Variants in PLXDC2 observed in about 807,000 individuals in gnomAD.
PLXDC2 encodes the protein plexin domain-containing protein 2.
PLXDC2 carries 40 observed loss-of-function variants against 68.9 expected under a neutral mutation model. The observed-to-expected ratio is 0.58, with a 90% CI of 0.45 to 0.76. The LOEUF (loss-of-function observed/expected upper bound fraction) is 0.76, where lower values mean the gene tolerates loss of function less well. PLXDC2 is among the 30% of genes least tolerant of loss of function. The pLI, the probability that PLXDC2 is intolerant of heterozygous loss-of-function variation, is 0.00. For synonymous variants in PLXDC2, 243 were observed against 234.2 expected (o/e 1.04, Z -0.34); for missense variants, 644 against 661.9 (o/e 0.97, Z 0.30).
At chr10:19,928,731 A>G (rs11011683) in intron 1 of PLXDC2, among the ~76,000 whole-genome samples, 31,811 of 145,270 alleles carry the variant, frequency 0.22, 3,964 homozygotes, top group South Asian at 0.4. Context: ...GTCTTCGGTG[A>G]TGGAAGGGAA....
chr10:19,898,319 A>T (rs1737382531), intron 1 of PLXDC2, among the ~76,000 whole-genome samples: 1 of 152,206 alleles, frequency 6.6e-6, no homozygotes, highest in African/African-American at 2.4e-5. Flanking sequence ...CTTGACATCA[A>T]GGAATTTAGA....
In PLXDC2 at chr10:19,897,227, CT is replaced by C. The variant is rs558204823; in HGVS notation, c.112+80047del. Among the ~76,000 whole-genome samples, 126 of 139,936 alleles carry C rather than the reference CT, an allele frequency of 9.0e-4. No homozygotes were observed. The East Asian group carries it at 0.014, about 15-fold the overall frequency. The allele number at this position is 139,936 out of a possible 152,430, so 91.8% of individuals were successfully genotyped here. On this transcript the variant is annotated intron_variant, in intron 1 of 13. Transcript: ENST00000377252. ...CATGTCTCTTCCATGATTCCCTTCTCTTTTTTTTTTTGTTTTTTTTTGTTTT... is the reference window on the plus strand; with the variant it reads ...CATGTCTCTTCCATGATTCCCTTCTCTTTTTTTTTTGTTTTTTTTTGTTTT...
chr10:20,279,956 C>T lies in PLXDC2; in HGVS notation c.*137C>T. 1 of 675,236 alleles carries T rather than the reference C, an allele frequency of 1.5e-6. No individual in the cohort carries two copies. 41.8% of individuals were successfully genotyped at this position (675,236 alleles called of 1,614,324 possible). On this transcript the variant is annotated 3_prime_UTR_variant, in exon 14 of 14. Transcript: ENST00000377252. ...CTGTAGCCTGAAGAAGACAAGATTTCTGGACAAGCTCAGCCCAGGAAACAA... is the reference window on the plus strand; with the variant it reads ...CTGTAGCCTGAAGAAGACAAGATTTTTGGACAAGCTCAGCCCAGGAAACAA...
At chr10:19,838,995 G>C (rs1168235353) in intron 1 of PLXDC2, among the ~76,000 whole-genome samples, 1 of 152,042 alleles carries the variant, frequency 6.6e-6, no homozygotes, top group Non-Finnish European at 1.5e-5. Flanking sequence ...AGACCAGCCT[G>C]GCCAACATGG....
intron 3 of PLXDC2, among the ~76,000 whole-genome samples, chr10:20,065,839 T>C (rs7922835): frequency 0.36 from 54,495 of 151,992 alleles, 11,334 homozygotes; most frequent in East Asian, 0.7. Context: ...CCATGGGGAG[T>C]GGCTGTAAAT....
intron 4 of PLXDC2, among the ~76,000 whole-genome samples, chr10:20,131,601 T>C (rs1032849675): frequency 6.6e-6 from 1 of 152,154 alleles, no homozygotes; most frequent in Non-Finnish European, 1.5e-5. Context: ...GGTTTCATCA[T>C]ATTGGTCAGG....
intron 13 of PLXDC2, among the ~76,000 whole-genome samples, chr10:20,262,661 C>T (rs371140514): frequency 2.8e-4 from 42 of 152,322 alleles, no homozygotes; most frequent in African/African-American, 9.1e-4. Context: ...TACCTCCCCC[C>T]GGGTGGGACC....
At chr10:19,851,189 A>T (rs1837111299) in intron 1 of PLXDC2, among the ~76,000 whole-genome samples, 1 of 152,180 alleles carries the variant, frequency 6.6e-6, no homozygotes, top group Admixed American at 6.5e-5. Flanking sequence ...TCTCAGGAAG[A>T]TTGCTTTTCT....
At chr10:19,954,775 T>C (rs1346307599) in intron 1 of PLXDC2, among the ~76,000 whole-genome samples, 3 of 152,192 alleles carry the variant, frequency 2.0e-5, no homozygotes, top group Non-Finnish European at 4.4e-5. Flanking sequence ...TGGATGTAAG[T>C]TGGAAAAACA....
intron 1 of PLXDC2, among the ~76,000 whole-genome samples, chr10:19,843,770 G>A (rs1488966556): frequency 6.6e-6 from 1 of 152,216 alleles, no homozygotes; most frequent in Non-Finnish European, 1.5e-5. Context: ...AGCCTGGGAA[G>A]AGTGTGTGGG....
chr10:19,973,301 TATATATACTCACATATATATGTATAC>T (rs1272714721), intron 1 of PLXDC2, among the ~76,000 whole-genome samples: 2 of 116,838 alleles, frequency 1.7e-5, no homozygotes, highest in East Asian at 2.7e-4. Context: ...TATATGTATA[TATATATACTCACATATATATGTATAC>T]ATATATATGT....
Position 20,008,485 on chromosome 10 carries a change from G to A in PLXDC2, c.324+6499G>A, listed in dbSNP as rs566277939. ...GGAGAACTGCTTGAACCTGGGAGGCGGAAGTTGCAGTGAGCCGAGATCGTG... is the reference window on the plus strand; with the variant it reads ...GGAGAACTGCTTGAACCTGGGAGGCAGAAGTTGCAGTGAGCCGAGATCGTG... On this transcript the variant is annotated intron_variant, in intron 2 of 13. Coordinates refer to ENST00000377252, the MANE Select transcript of PLXDC2 (RefSeq NM_032812.9). Among the ~76,000 whole-genome samples the A allele has an allele frequency of 6.6e-5, 10 of 152,204 alleles. No individual in the cohort carries two copies. In the South Asian group the frequency reaches 1.2e-3, roughly 19 times the overall value.
chr10:20,008,374 GT>G (rs2131642277), intron 2 of PLXDC2, among the ~76,000 whole-genome samples: 1 of 152,266 alleles, frequency 6.6e-6, no homozygotes, highest in South Asian at 2.1e-4. Flanking sequence ...GGCCAACATA[GT>G]GAAACCCTGC....
At chr10:20,106,819 C>T (rs115935925) in intron 4 of PLXDC2, among the ~76,000 whole-genome samples, 6,078 of 151,976 alleles carry the variant, frequency 0.04, 159 homozygotes, top group South Asian at 0.067. Flanking sequence ...ATACTATATA[C>T]CACATATGTT....
chr10:19,994,547 C>T (rs1234067344), intron 1 of PLXDC2, among the ~76,000 whole-genome samples: 2 of 151,666 alleles, frequency 1.3e-5, no homozygotes, highest in African/African-American at 2.4e-5. Context: ...TGGGGTTTTG[C>T]TGTGTTACCT....
At chr10:20,062,713 A>C (rs1378201546) in intron 3 of PLXDC2, among the ~76,000 whole-genome samples, 1 of 152,104 alleles carries the variant, frequency 6.6e-6, no homozygotes, top group African/African-American at 2.4e-5. Flanking sequence ...TTTTATGTGG[A>C]CCTTATACAG....
At chr10:19,858,714 G>A (rs1837262441) in intron 1 of PLXDC2, among the ~76,000 whole-genome samples, 1 of 152,142 alleles carries the variant, frequency 6.6e-6, no homozygotes, top group African/African-American at 2.4e-5. Context: ...TATTTGCATT[G>A]TAGAGTGGTC....
At chr10:20,015,303 T>C (rs113094364) in intron 2 of PLXDC2, among the ~76,000 whole-genome samples, 5 of 152,300 alleles carry the variant, frequency 3.3e-5, no homozygotes, top group African/African-American at 4.8e-5. Context: ...TAAAGTGTTT[T>C]TTTTTCCAAA....
chr10:19,872,342 A>G (rs905253975), intron 1 of PLXDC2, among the ~76,000 whole-genome samples: 1 of 152,230 alleles, frequency 6.6e-6, no homozygotes, highest in Non-Finnish European at 1.5e-5. Context: ...TCACCTTGAC[A>G]GTGGTGACAG....
Sources: gnomAD v4.1 joint callset for allele counts (sites outside exome capture counted in the v4.1 genomes callset) on GRCh38, gnomAD v4.1.1 for gene constraint, MANE v1.5 for transcripts, NCBI Gene and HGNC (gene_info 2026-07-23, HGNC 2026-07-21) for gene names.